SLF2: variants seen among roughly 807,000 people sequenced by gnomAD.
SLF2 encodes SMC5/6 complex localization factor 2.
A neutral mutation model predicts 124.3 loss-of-function variants in SLF2; 68 were observed. The ratio of observed to expected loss-of-function variants is 0.55; its 90% CI spans 0.45 to 0.67. The LOEUF (loss-of-function observed/expected upper bound fraction) is 0.67, where lower values mean the gene tolerates loss of function less well. Among genes scored for constraint, SLF2 ranks in the 30% least tolerant of loss-of-function variants. The pLI is 0.00. For missense variants in SLF2, 1,246 were observed against 1,373.7 expected (o/e 0.91, Z 1.47); for synonymous variants, 480 against 478.8 (o/e 1.00, Z -0.03).
Position 100,924,380 on chromosome 10 carries a change from A to G in SLF2, c.1379A>G (p.Lys460Arg). ...IKKASNLQKN[K>R]TASSTTKEKE... The stretch of plus-strand genomic sequence containing the variant: ...AAAGCTAGCAACCTTCAGAAAAATA[A>G]AACCGCTAGCTCCACGACAAAGGAG... The change falls in exon 5 of 20, where the codon AAA becomes AGA. Residue 460 changes from lysine (K) to arginine (R), a missense_variant. Around this residue, in one of 3 missense-constraint regions of SLF2, gnomAD observed 698 missense variants for 708.9 expected, o/e 0.98. Coordinates refer to ENST00000238961, the MANE Select transcript of SLF2 (RefSeq NM_018121.4). 2 of 1,613,966 alleles carry G rather than the reference A, an allele frequency of 1.2e-6. No individual in the cohort carries two copies. The highest frequency in any genetic ancestry group is 1.7e-6 in the Non-Finnish European group (2 of 1,179,992).
intron 11 of SLF2, among the ~76,000 whole-genome samples, chr10:100,940,312 T>C (rs1290077250): frequency 6.6e-6 from 1 of 152,158 alleles, no homozygotes; most frequent in Non-Finnish European, 1.5e-5. Context: ...ATGAGTGCTG[T>C]GTAACAAAAT....
chr10:100,957,332 T>A (rs12784434), intron 18 of SLF2, among the ~76,000 whole-genome samples: 929 of 7,336 alleles, frequency 0.13, 83 homozygotes, highest in Middle Eastern at 0.27. Flanking sequence ...AGTCTTCAAT[T>A]TTTTTTTTTT....
Position 100,929,990 on chromosome 10 carries a change from A to G in SLF2, c.2326A>G (p.Ile776Val), listed in dbSNP as rs778878246. 5.9e-6 allele frequency: 9 copies of G among 1,515,488 alleles called. No individual in the cohort carries two copies. The highest frequency in any genetic ancestry group is 8.0e-6 in the Non-Finnish European group (9 of 1,130,350). 93.9% of individuals were successfully genotyped at this position (1,515,488 alleles called of 1,614,324 possible). A position where few individuals can be genotyped will look rare whatever the true frequency, so the allele number is the denominator to read the frequency against. The change falls in exon 8 of 20, where the codon ATT (isoleucine) becomes GTT (valine). Residue 776 changes from isoleucine to valine, a missense_variant. Physicochemically the swap from Ile to Val is conservative, Grantham distance 29. Transcript: ENST00000238961. ...FIGQSAVEKL[I>V]LKSGKTDQIF... ...TGGACAAAGTGCTGTAGAAAAACTTATTCTTAAGTAAGTAGAAAAATAGAC... is the reference window on the plus strand; with the variant it reads ...TGGACAAAGTGCTGTAGAAAAACTTGTTCTTAAGTAAGTAGAAAAATAGAC...
chr10:100,960,083 T>C (rs377126696), intron 19 of SLF2, among the ~76,000 whole-genome samples: 4 of 152,362 alleles, frequency 2.6e-5, no homozygotes, highest in African/African-American at 7.2e-5. Flanking sequence ...TCAGTTAATA[T>C]AATAATAAGT....
chr10:100,926,523 T>C, intron 6 of SLF2: 1 of 318,390 alleles, frequency 3.1e-6, no homozygotes, highest in Non-Finnish European at 5.7e-6. Context: ...GAGGATCACC[T>C]GAGCCCAAGG....
chr10:100,926,304 G>A (rs892573066), intron 6 of SLF2: 2 of 1,450,706 alleles, frequency 1.4e-6, no homozygotes, highest in Admixed American at 2.8e-5. Flanking sequence ...GTGAGACCCA[G>A]TCTCAAATGA....
chr10:100,928,728 T>C (rs1849666163), intron 6 of SLF2, among the ~76,000 whole-genome samples: 1 of 152,206 alleles, frequency 6.6e-6, no homozygotes, highest in South Asian at 2.1e-4. Context: ...ATGTTGGTTT[T>C]CTTATCTATA....
intron 14 of SLF2, among the ~76,000 whole-genome samples, chr10:100,947,537 C>T (rs1255893653): frequency 1.3e-5 from 2 of 151,758 alleles, no homozygotes; most frequent in African/African-American, 4.8e-5. Context: ...AAGATAAGGC[C>T]GTTAAATGAT....
intron 9 of SLF2, among the ~76,000 whole-genome samples, chr10:100,935,851 T>G: frequency 7.6e-6 from 1 of 131,738 alleles, no homozygotes; most frequent in Non-Finnish European, 1.6e-5. Flanking sequence ...TTGGGTTTTT[T>G]TTTTTTTCTT....
chr10:100,932,718 TGTGCGCGCGC>T (rs1321214032), intron 9 of SLF2, among the ~76,000 whole-genome samples: 108 of 21,186 alleles, frequency 5.1e-3, no homozygotes, highest in African/African-American at 0.013. Flanking sequence ...TGTGTGTGTG[TGTGCGCGCGC>T]GCGCGCGCGC....
intron 11 of SLF2, among the ~76,000 whole-genome samples, chr10:100,943,155 T>C (rs1397382570): frequency 6.6e-6 from 1 of 152,146 alleles, no homozygotes; most frequent in African/African-American, 2.4e-5. Flanking sequence ...TAAATTTAGG[T>C]ATGGTTGAAA....
chr10:100,913,667 AG>A (rs1849364923), intron 1 of SLF2: 1 of 1,016,480 alleles, frequency 9.8e-7, no homozygotes, highest in Non-Finnish European at 1.2e-6. Flanking sequence ...ACCTGTGATG[AG>A]GGAATCCCTT....
intron 11 of SLF2, among the ~76,000 whole-genome samples, chr10:100,939,618 C>T (rs1017370378): frequency 1.3e-5 from 2 of 148,802 alleles, no homozygotes; most frequent in African/African-American, 2.5e-5. Context: ...GCGGAGGTTA[C>T]AGTGAGCCGA....
chr10:100,919,502 T>G (rs1263467220), intron 4 of SLF2, among the ~76,000 whole-genome samples: 1 of 141,542 alleles, frequency 7.1e-6, no homozygotes, highest in Non-Finnish European at 1.5e-5. Flanking sequence ...ACTTTTAGCA[T>G]TTATTGATTG....
In SLF2 at chr10:100,964,448, A is replaced by G. The variant is rs1850475567; in HGVS notation, c.*2536A>G. 1 of 152,806 alleles carries G rather than the reference A, an allele frequency of 6.5e-6. No individual in the cohort carries two copies. The highest frequency in any genetic ancestry group is 2.1e-4 in the South Asian group (1 of 4,832). 9.5% of individuals were successfully genotyped at this position (152,806 alleles called of 1,614,324 possible). ...CTGAAAATATAATTCTACTAGTTTT[A>G]TCACATTAAGAGGCTCTCCATGCAC... On this transcript the variant is annotated 3_prime_UTR_variant, in exon 20 of 20. Coordinates refer to ENST00000238961, the MANE Select transcript of SLF2 (RefSeq NM_018121.4).
At chr10:100,930,585 A>T (rs553075187) in intron 8 of SLF2, among the ~76,000 whole-genome samples, 1 of 152,242 alleles carries the variant, frequency 6.6e-6, no homozygotes, top group Admixed American at 6.5e-5. Flanking sequence ...GGGATGTGCA[A>T]CTAGTAATCT....
At chr10:100,937,506 C>A in intron 10 of SLF2, 29 bp downstream of exon 10, 1 of 1,313,028 alleles carries the variant, frequency 7.6e-7, no homozygotes, top group Non-Finnish European at 1.1e-6. Context: ...TAAGATTTAC[C>A]GTGTGTATTA....
chr10:100,925,846 T>C (rs1849601458), intron 5 of SLF2, 103 bp from the exon 6 acceptor site: 2 of 1,120,438 alleles, frequency 1.8e-6, no homozygotes, highest in South Asian at 1.6e-5. Flanking sequence ...CTGGCCCAGA[T>C]TATTGAAATA....
At chr10:100,942,571 T>G (rs1310241050) in intron 11 of SLF2, among the ~76,000 whole-genome samples, 1 of 151,952 alleles carries the variant, frequency 6.6e-6, no homozygotes, top group Non-Finnish European at 1.5e-5. Flanking sequence ...CAGGCTGGAG[T>G]GCAGTGGTGT....
Sources: allele counts gnomAD v4.1 joint callset (sites outside exome capture counted in the v4.1 genomes callset), GRCh38; gene constraint gnomAD v4.1.1; regional missense constraint gnomAD v4.1.1; transcripts MANE v1.5; gene names NCBI Gene and HGNC (gene_info 2026-07-23, HGNC 2026-07-21).